BLM: variants seen among roughly 807,000 people sequenced by gnomAD.
The protein encoded by BLM is recQ-like DNA helicase BLM.
In BLM, 95 loss-of-function variants were observed where a neutral mutation model predicts 135.3. The observed-to-expected ratio is 0.70, with a 90% CI of 0.59 to 0.83. BLM has a LOEUF of 0.83. Ranked by LOEUF, BLM falls within the 40% of genes least tolerant of loss-of-function variation. BLM has a pLI of 0.00. For missense variants in BLM, 1,518 were observed against 1,663.9 expected (o/e 0.91, Z 1.53); for synonymous variants, 520 against 589.2 (o/e 0.88, Z 1.70).
chr15:90,760,601 C>G lies in BLM; in HGVS notation c.1228C>G (p.Leu410Val), dbSNP rs200688933. ...LLQQRNIRRK[L>V]LTEVDFNKSD... ...TCTCTTTTCTCTCTTCAGAAGGAAACTTCTAACGGAAGTAGATTTTAATAA... is the reference window on the plus strand; with the variant it reads ...TCTCTTTTCTCTCTTCAGAAGGAAAGTTCTAACGGAAGTAGATTTTAATAA... The change falls in exon 7 of 22, where the codon CTT (leucine) becomes GTT (valine). Residue 410 changes from leucine to valine, a missense_variant. Physicochemically the swap from Leu to Val is conservative, Grantham distance 32. Around this residue, in one of 5 missense-constraint regions of BLM, gnomAD observed 724 missense variants for 756.9 expected, o/e 0.96. Transcript: ENST00000355112. 1.9e-6 allele frequency: 3 copies of G among 1,610,792 alleles called. No homozygotes were observed. Among genetic ancestry groups the G allele is most frequent in the Non-Finnish European group, 2.5e-6 (3 of 1,178,132 alleles).
At chr15:90,731,222 A>G (rs1895061327) in intron 1 of BLM, among the ~76,000 whole-genome samples, 1 of 152,178 alleles carries the variant, frequency 6.6e-6, no homozygotes, top group Non-Finnish European at 1.5e-5. Flanking sequence ...TATAGGTGTG[A>G]GTCATCATGC....
At chr15:90,771,734 G>T (rs746218467) in intron 12 of BLM, among the ~76,000 whole-genome samples, 2 of 151,618 alleles carry the variant, frequency 1.3e-5, no homozygotes, top group African/African-American at 4.8e-5. Context: ...TCTTACGCCG[G>T]ATGCAATCTA....
chr15:90,728,474 G>A (rs185134986), intron 1 of BLM, among the ~76,000 whole-genome samples: 17 of 152,222 alleles, frequency 1.1e-4, no homozygotes, highest in East Asian at 9.6e-4. Context: ...TCAGCTCACC[G>A]CAACCACCGC....
chr15:90,732,578 A>G (rs969748577), intron 1 of BLM, among the ~76,000 whole-genome samples: 1 of 151,516 alleles, frequency 6.6e-6, no homozygotes, highest in African/African-American at 2.4e-5. Flanking sequence ...AAAACACAGC[A>G]TATCAGATTC....
intron 14 of BLM, among the ~76,000 whole-genome samples, chr15:90,785,499 G>A (rs1023988842): frequency 4.6e-5 from 7 of 150,644 alleles, no homozygotes; most frequent in Non-Finnish European, 1.0e-4. Flanking sequence ...TCTGTACATT[G>A]CATGTAAATA....
At chr15:90,732,955 TG>T (rs1447673011) in intron 1 of BLM, among the ~76,000 whole-genome samples, 1 of 152,188 alleles carries the variant, frequency 6.6e-6, no homozygotes, top group East Asian at 1.9e-4. Flanking sequence ...TAGCCAGGCG[TG>T]GTGGCATGCA....
intron 15 of BLM, among the ~76,000 whole-genome samples, chr15:90,792,195 T>G (rs987614781): frequency 2.0e-5 from 3 of 150,962 alleles, no homozygotes; most frequent in African/African-American, 7.3e-5. Flanking sequence ...AACCTCTGCC[T>G]CCCAGATGCA....
intron 1 of BLM, among the ~76,000 whole-genome samples, chr15:90,740,512 G>A (rs28745020): frequency 0.42 from 64,415 of 151,948 alleles, 14,738 homozygotes; most frequent in South Asian, 0.55. Flanking sequence ...TTCTGAATTT[G>A]GCTATTGTGA....
chr15:90,749,715 T>A lies in BLM; in HGVS notation c.447T>A (p.Ser149Arg). The A allele has an allele frequency of 8.7e-6, 14 of 1,614,182 alleles. No homozygotes were observed. The highest frequency in any genetic ancestry group is 1.2e-5 in the Non-Finnish European group (14 of 1,179,990). Reference sequence around the variant, plus strand: ...TTAGTTCTTCACCAGATTCTTTAAGTACCATCAATGATTGGGATGATATGG... The same window carrying A: ...TTAGTTCTTCACCAGATTCTTTAAGAACCATCAATGATTGGGATGATATGG... ...LEFSSSPDSL[S>R]TINDWDDMDD... The change falls in exon 3 of 22, where the codon AGT becomes AGA. Residue 149 changes from serine to arginine, a missense_variant. Physicochemically the swap from Ser to Arg is moderately radical, Grantham distance 110. Coordinates refer to ENST00000355112, the MANE Select transcript of BLM (RefSeq NM_000057.4).
At chr15:90,778,670 C>T (rs1295375841) in intron 12 of BLM, among the ~76,000 whole-genome samples, 6 of 152,126 alleles carry the variant, frequency 3.9e-5, no homozygotes, top group East Asian at 1.9e-4. Flanking sequence ...AATGTTTTCA[C>T]GGTTTATTGG....
At chr15:90,794,448 C>A in intron 16 of BLM, 91 bp downstream of exon 16, 1 of 1,037,002 alleles carries the variant, frequency 9.6e-7, no homozygotes, top group Non-Finnish European at 1.4e-6. Flanking sequence ...AAAAGGTGGT[C>A]TCCGACAGAT....
Position 90,749,603 on chromosome 15 carries a change from T to G in BLM, c.335T>G (p.Leu112Trp). The G allele has an allele frequency of 6.2e-7, 1 of 1,614,188 alleles. No individual in the cohort carries two copies. Among genetic ancestry groups the G allele is most frequent in the East Asian group, 2.2e-5 (1 of 44,876 alleles). The change falls in exon 3 of 22, where the codon TTG (leucine) becomes TGG (tryptophan). Residue 112 changes from leucine (L) to tryptophan (W), a missense_variant. Leu to Trp is a moderately conservative substitution (Grantham distance 61, BLOSUM62 -2). Transcript: ENST00000355112. ...GGSKSLLPDFLQTPKEVVCTT... is the reference protein window; with the variant it reads ...GGSKSLLPDFWQTPKEVVCTT... The stretch of plus-strand genomic sequence containing the variant: ...TCAAAATCATTATTGCCAGATTTCT[T>G]GCAGACTCCGAAGGAAGTTGTATGC...
chr15:90,727,260 C>T (rs768108579), intron 1 of BLM, among the ~76,000 whole-genome samples: 37 of 152,098 alleles, frequency 2.4e-4, no homozygotes, highest in African/African-American at 8.2e-4. Context: ...GCAATCCTCC[C>T]GCCTCAGCCT....
intron 17 of BLM, among the ~76,000 whole-genome samples, chr15:90,801,961 T>C (rs1271029759): frequency 6.6e-6 from 1 of 152,036 alleles, no homozygotes; most frequent in Non-Finnish European, 1.5e-5. Context: ...GAGGCTGATG[T>C]GGGAGGATCA....
At chr15:90,733,048 G>A (rs879345262) in intron 1 of BLM, among the ~76,000 whole-genome samples, 1 of 152,102 alleles carries the variant, frequency 6.6e-6, no homozygotes, top group Non-Finnish European at 1.5e-5. Flanking sequence ...AGCCGAGATC[G>A]TGCCACTGCA....
intron 15 of BLM, among the ~76,000 whole-genome samples, chr15:90,792,175 G>A (rs1417130250): frequency 6.8e-6 from 1 of 147,954 alleles, no homozygotes; most frequent in Non-Finnish European, 1.5e-5. Flanking sequence ...GCACGATCTC[G>A]GCCCACTGCA....
chr15:90,719,007 T>G (rs1017089531), intron 1 of BLM, among the ~76,000 whole-genome samples: 2 of 152,146 alleles, frequency 1.3e-5, no homozygotes, highest in South Asian at 2.1e-4. Flanking sequence ...TTTTTGTTTT[T>G]GGGGGATGGA....
chr15:90,790,217 C>T lies in BLM; in HGVS notation c.2824-432C>T, dbSNP rs116595872. On this transcript the variant is annotated intron_variant, in intron 14 of 21. Transcript: ENST00000355112. ...CATTGGAGGAACTAGCAGCAGTGAC[C>T]TCTGAGGAGCCCTGGGAACACCCTG... 833 of 242,046 alleles carry T rather than the reference C, an allele frequency of 3.4e-3. 8 individuals are homozygous for T. Among genetic ancestry groups the T allele is most frequent in the African/African-American group, 0.018 (802 of 43,614 alleles). The allele number at this position is 242,046 out of a possible 1,614,324, so 15.0% of individuals were successfully genotyped here.
At chr15:90,750,130 T>G in intron 3 of BLM, 63 bp downstream of exon 3, 1 of 1,526,654 alleles carries the variant, frequency 6.6e-7, no homozygotes, top group Non-Finnish European at 9.0e-7. Context: ...AAGCTAGCCA[T>G]TGGGAATAGT....
Sources: allele counts gnomAD v4.1 joint callset (sites outside exome capture counted in the v4.1 genomes callset), GRCh38; gene constraint gnomAD v4.1.1; regional missense constraint gnomAD v4.1.1; transcripts MANE v1.5; gene names NCBI Gene and HGNC (gene_info 2026-07-23, HGNC 2026-07-21).